Variants in OPCML observed in about 807,000 individuals in gnomAD.
The protein encoded by OPCML is opioid binding protein/cell adhesion molecule like.
In OPCML, 13 loss-of-function variants were observed where a neutral mutation model predicts 37.8. The ratio of observed to expected loss-of-function variants is 0.34; its 90% confidence interval spans 0.22 to 0.55. The LOEUF (loss-of-function observed/expected upper bound fraction) is 0.55. Among genes scored for constraint, OPCML ranks in the 20% least tolerant of loss-of-function variants. The pLI is 0.91. For missense variants in OPCML, 341 were observed against 435.6 expected (o/e 0.78, Z 1.93); for synonymous variants, 176 against 168.8 (o/e 1.04, Z -0.33).
At position 133,113,487 on chromosome 11, in the gene OPCML, A is replaced by G. The variant is rs1426211374; in HGVS notation, c.62-170477T>C. Among the ~76,000 whole-genome samples the G allele has an allele frequency of 3.3e-5, 5 of 152,230 alleles. No homozygotes were observed. The South Asian group carries it at 6.2e-4, about 19-fold the overall frequency. Reference sequence around the variant, plus strand: ...TAGAATGGTTTCAGACATGTGTATCATTATTTAATTCTTTAAATGCCACTA... The same window carrying G: ...TAGAATGGTTTCAGACATGTGTATCGTTATTTAATTCTTTAAATGCCACTA... On this transcript the variant is annotated intron_variant, in intron 1 of 7. Transcript: ENST00000524381.
At chr11:132,756,137 G>A (rs943901330) in intron 2 of OPCML, among the ~76,000 whole-genome samples, 2 of 152,196 alleles carry the variant, frequency 1.3e-5, no homozygotes, top group African/African-American at 2.4e-5. Context: ...GTTGAATCAT[G>A]AGTTGTATAA....
At chr11:133,198,966 TTAAA>T (rs1281848626) in intron 1 of OPCML, among the ~76,000 whole-genome samples, 2 of 152,206 alleles carry the variant, frequency 1.3e-5, no homozygotes, top group Non-Finnish European at 1.5e-5. Context: ...CTCAAAGCAC[TTAAA>T]TAAATAGCTT....
intron 1 of OPCML, among the ~76,000 whole-genome samples, chr11:133,501,308 G>T (rs773501894): frequency 8.5e-5 from 13 of 152,134 alleles, no homozygotes; most frequent in Non-Finnish European, 1.6e-4. Context: ...GTACAGTGCG[G>T]CTAGTGAAAT....
chr11:132,701,456 T>C (rs766341243), intron 2 of OPCML, among the ~76,000 whole-genome samples: 34 of 152,186 alleles, frequency 2.2e-4, no homozygotes, highest in Non-Finnish European at 4.0e-4. Flanking sequence ...GGTTAAAGTA[T>C]AGCCACACCT....
chr11:132,713,317 T>G (rs1461439361), intron 2 of OPCML, among the ~76,000 whole-genome samples: 2 of 152,196 alleles, frequency 1.3e-5, no homozygotes, highest in African/African-American at 4.8e-5. Flanking sequence ...CTGCCGTAAA[T>G]TCCAATTACC....
intron 1 of OPCML, among the ~76,000 whole-genome samples, chr11:133,316,199 T>C (rs1180736621): frequency 1.3e-5 from 2 of 152,016 alleles, no homozygotes; most frequent in East Asian, 3.9e-4. Flanking sequence ...TATGCTCAGA[T>C]AGGAACAAGA....
At chr11:133,320,734 A>T (rs894801069) in intron 1 of OPCML, among the ~76,000 whole-genome samples, 3 of 152,178 alleles carry the variant, frequency 2.0e-5, no homozygotes, top group Non-Finnish European at 4.4e-5. Context: ...TGTATAAATA[A>T]ACAGTATGGG....
intron 1 of OPCML, among the ~76,000 whole-genome samples, chr11:133,468,894 A>G (rs991069830): frequency 7.4e-6 from 1 of 135,198 alleles, no homozygotes; most frequent in Non-Finnish European, 1.5e-5. Context: ...ATATTATGGA[A>G]AAAAACAATT....
intron 1 of OPCML, among the ~76,000 whole-genome samples, chr11:133,486,465 T>A (rs1591553529): frequency 6.6e-6 from 1 of 152,290 alleles, no homozygotes; most frequent in East Asian, 1.9e-4. Flanking sequence ...ACACTTCTTT[T>A]TTTTTCTCTT....
chr11:132,424,044 C>A (rs2095969249), intron 7 of OPCML, among the ~76,000 whole-genome samples: 1 of 151,974 alleles, frequency 6.6e-6, no homozygotes, highest in Admixed American at 6.6e-5. Context: ...GTCAGAAACC[C>A]AGATGTTTGT....
At chr11:133,202,581 A>T (rs1429334215) in intron 1 of OPCML, among the ~76,000 whole-genome samples, 1 of 152,206 alleles carries the variant, frequency 6.6e-6, no homozygotes, top group Non-Finnish European at 1.5e-5. Flanking sequence ...AGTACCTGAG[A>T]TTAGGAGCTG....
intron 1 of OPCML, among the ~76,000 whole-genome samples, chr11:133,166,310 T>C (rs1432037610): frequency 6.6e-6 from 1 of 152,214 alleles, no homozygotes; most frequent in Admixed American, 6.5e-5. Context: ...CATGCACTAG[T>C]TCATTTACTC....
At chr11:132,622,219 C>T (rs1365669605) in intron 3 of OPCML, among the ~76,000 whole-genome samples, 1 of 151,434 alleles carries the variant, frequency 6.6e-6, no homozygotes, top group Non-Finnish European at 1.5e-5. Flanking sequence ...GATCAAAATT[C>T]AAGTCCGTCA....
At chr11:132,695,604 G>A (rs1301001857) in intron 2 of OPCML, among the ~76,000 whole-genome samples, 1 of 152,194 alleles carries the variant, frequency 6.6e-6, no homozygotes, top group Non-Finnish European at 1.5e-5. Flanking sequence ...AAGCTTAGTA[G>A]ACCTGTGTGC....
intron 1 of OPCML, among the ~76,000 whole-genome samples, chr11:133,486,849 C>T (rs1480718479): frequency 1.6e-5 from 2 of 126,556 alleles, no homozygotes; most frequent in Admixed American, 7.9e-5. Flanking sequence ...CCCCCCTTCT[C>T]TCTTCTCTCT....
intron 3 of OPCML, among the ~76,000 whole-genome samples, chr11:132,635,532 GA>G (rs1303634977): frequency 0.011 from 1,032 of 92,426 alleles, 7 homozygotes; most frequent in South Asian, 0.047. Flanking sequence ...TTTATTCAAG[GA>G]AAAAAAAAAA....
chr11:132,984,409 A>C (rs1461417159), intron 1 of OPCML, among the ~76,000 whole-genome samples: 2 of 152,238 alleles, frequency 1.3e-5, no homozygotes, highest in Non-Finnish European at 2.9e-5. Flanking sequence ...AGCACTTACT[A>C]TCTGGCACAC....
chr11:132,544,379 C>T (rs2096364135), intron 3 of OPCML, among the ~76,000 whole-genome samples: 1 of 152,152 alleles, frequency 6.6e-6, no homozygotes, highest in African/African-American at 2.4e-5. Context: ...GAGACATACA[C>T]AAAATTATCT....
intron 2 of OPCML, among the ~76,000 whole-genome samples, chr11:132,837,326 GCAAACAAACAAA>G (rs148168877): frequency 8.6e-5 from 13 of 151,868 alleles, no homozygotes; most frequent in South Asian, 2.1e-4. Flanking sequence ...AAACAAACAA[GCAAACAAACAAA>G]CAAACAAACA....
Sources: allele counts gnomAD v4.1 joint callset (sites outside exome capture counted in the v4.1 genomes callset), GRCh38; gene constraint gnomAD v4.1.1; transcripts MANE v1.5; gene names NCBI Gene and HGNC (gene_info 2026-07-23, HGNC 2026-07-21).